The following PRKDC variants were observed in gnomAD, a reference collection of about 807,000 sequenced individuals.
PRKDC encodes protein kinase, DNA-activated, catalytic subunit.
Under a neutral mutation model 486.9 loss-of-function variants are expected in PRKDC, and 82 were observed. That is an observed-to-expected ratio of 0.17 (90% confidence interval 0.14 to 0.20). PRKDC has a LOEUF of 0.20. Among genes scored for constraint, PRKDC ranks in the 10% least tolerant of loss-of-function variants. The pLI is 1.00. For missense variants in PRKDC, 4,504 were observed against 5,038.2 expected (o/e 0.89, Z 3.21); for synonymous variants, 1,895 against 1,837.0 (o/e 1.03, Z -0.81).
intron 69 of PRKDC, among the ~76,000 whole-genome samples, chr8:47,805,729 T>A (rs1161207670): frequency 6.6e-6 from 1 of 152,226 alleles, no homozygotes; most frequent in Non-Finnish European, 1.5e-5. Context: ...AAAGACATTT[T>A]CATCAGACTT....
chr8:47,834,155 G>A, intron 59 of PRKDC, 41 bp downstream of exon 59: 1 of 1,606,874 alleles, frequency 6.2e-7, no homozygotes. Flanking sequence ...CAGTAATTTA[G>A]TGGGGAAGCT....
In PRKDC at chr8:47,864,574, C is replaced by G; in HGVS notation, c.5553G>C (p.Leu1851Phe). Residue 1851 changes from leucine to phenylalanine, a missense_variant, in exon 41 of 86, where the codon TTG becomes TTC. Transcript: ENST00000314191. ...STIVVDAIDV[L>F]KSRFTKLNES... Reference sequence around the variant, plus strand: ...ATGATACCTTTGTAAACCTGGACTTCAACACATCAATGGCATCCACCACAA... The same window carrying G: ...ATGATACCTTTGTAAACCTGGACTTGAACACATCAATGGCATCCACCACAA... 6.2e-7 allele frequency: 1 copy of G among 1,608,836 alleles called. No homozygotes were observed. The highest frequency in any genetic ancestry group is 8.5e-7 in the Non-Finnish European group (1 of 1,178,114).
chr8:47,861,148 C>A (rs562437129), intron 44 of PRKDC, among the ~76,000 whole-genome samples, 177 bp from the exon 45 acceptor site: 1 of 152,132 alleles, frequency 6.6e-6, no homozygotes, highest in East Asian at 1.9e-4. Flanking sequence ...TTAAGGAAAG[C>A]CCTTCCTGCA....
At chr8:47,854,663 T>C (rs917144157) in intron 50 of PRKDC, among the ~76,000 whole-genome samples, 2 of 152,206 alleles carry the variant, frequency 1.3e-5, no homozygotes, top group African/African-American at 4.8e-5. Flanking sequence ...CTAAAGCTAA[T>C]CTTCAGGGTA....
chr8:47,940,793 A>G (rs973846132), intron 10 of PRKDC, among the ~76,000 whole-genome samples: 1 of 152,240 alleles, frequency 6.6e-6, no homozygotes, highest in Non-Finnish European at 1.5e-5. Context: ...GACAGAGGAC[A>G]GATTAAAACA....
intron 61 of PRKDC, among the ~76,000 whole-genome samples, chr8:47,829,354 G>A (rs2087811387): frequency 6.6e-6 from 1 of 152,056 alleles, no homozygotes; most frequent in Admixed American, 6.5e-5. Flanking sequence ...AATCAAGTGT[G>A]ATTTTTGCAT....
chr8:47,836,299 G>A lies in PRKDC; in HGVS notation c.7951+39C>T, dbSNP rs769255413. 3.4e-6 allele frequency: 5 copies of A among 1,469,982 alleles called. No individual in the cohort carries two copies. The Admixed American group carries it at 6.9e-5, about 20-fold the overall frequency. The allele number at this position is 1,469,982 out of a possible 1,614,324, so 91.1% of individuals were successfully genotyped here. On this transcript the variant is annotated intron_variant, in intron 58 of 85. Transcript: ENST00000314191. Reference sequence around the variant, plus strand: ...GACAGAAGCTGCCCACAGAGGTCAGGGTGCTGTATACATGGCCAGCGGGCA... The same window carrying A: ...GACAGAAGCTGCCCACAGAGGTCAGAGTGCTGTATACATGGCCAGCGGGCA...
In PRKDC at chr8:47,794,382, C is replaced by T. The variant is rs751871179; in HGVS notation, c.10578G>A (p.Pro3526=). 5 of 1,613,624 alleles carry T rather than the reference C, an allele frequency of 3.1e-6. No individual in the cohort carries two copies. Among genetic ancestry groups the T allele is most frequent in the East Asian group, 2.2e-5 (1 of 44,892 alleles). The change falls in exon 74 of 86, where the codon CCG becomes CCA. Residue 3526 remains proline (P), a synonymous_variant. Coordinates refer to ENST00000314191, the MANE Select transcript of PRKDC (RefSeq NM_006904.7). The stretch of plus-strand genomic sequence containing the variant: ...TGATGAAGGGATAAACAATAGCCTG[C>T]GGGTAGTTATCAGTGATTTCTTCCA... ...HSVEEITDNY[P]QAIVYPFIIS...
intron 27 of PRKDC, among the ~76,000 whole-genome samples, 193 bp from the exon 28 acceptor site, chr8:47,900,660 G>C (rs13261203): frequency 6.6e-6 from 1 of 152,074 alleles, no homozygotes; most frequent in African/African-American, 2.4e-5. Flanking sequence ...AGGAGATCGA[G>C]ACCACAGTGA....
chr8:47,935,969 T>G, intron 12 of PRKDC, 69 bp from the exon 13 acceptor site: 1 of 1,387,172 alleles, frequency 7.2e-7, no homozygotes, highest in Non-Finnish European at 9.8e-7. Context: ...AATACAAATA[T>G]TCAAAGTAAT....
Position 47,778,677 on chromosome 8 carries a change from G to A in PRKDC, c.11652-17C>T, listed in dbSNP as rs1433755565. 2 of 1,613,338 alleles carry A rather than the reference G, an allele frequency of 1.2e-6. No homozygotes were observed. The highest frequency in any genetic ancestry group is 2.7e-5 in the African/African-American group (2 of 75,054). On this transcript the variant is annotated splice_polypyrimidine_tract_variant and intron_variant, in intron 82 of 85. Coordinates refer to ENST00000314191, the MANE Select transcript of PRKDC (RefSeq NM_006904.7). ...AAGGCCCGCCTACAAAAGAGACACA[G>A]CTGTGCGGCTGCTGTGATCCCACTA...
Position 47,828,194 on chromosome 8 carries a change from A to T in PRKDC, c.8551T>A (p.Phe2851Ile). The change falls in exon 62 of 86, where the codon TTT becomes ATT. Residue 2851 changes from phenylalanine (F) to isoleucine (I), a missense_variant. By Grantham distance (21) the Phe-to-Ile change is conservative. This residue lies in a region of PRKDC where 1,592 missense variants were observed against 1,724.6 expected (regional missense o/e 0.92). Coordinates refer to ENST00000314191, the MANE Select transcript of PRKDC (RefSeq NM_006904.7). ...NRFLNTTFSF[F>I]PPFVSCIQDI... is the part of the protein sequence containing the mutation. ...TGAATACAAGAGACAAAGGGTGGAA[A>T]GAAAGAGAAGGTGGTATTAAGAAAA... 3 of 1,613,822 alleles carry T rather than the reference A, an allele frequency of 1.9e-6. No individual in the cohort carries two copies. The highest frequency in any genetic ancestry group is 2.5e-6 in the Non-Finnish European group (3 of 1,179,784).
chr8:47,782,779 C>T lies in PRKDC; in HGVS notation c.11176-181G>A, dbSNP rs1050411334. ...CCTGCTTGTGCCTGACTGCTGTGCC[C>T]GCAGAAATGTTGTATTCCTGATTAT... is the stretch of plus-strand genomic sequence containing the variant. On this transcript the variant is annotated intron_variant, in intron 78 of 85. Coordinates refer to ENST00000314191, the MANE Select transcript of PRKDC (RefSeq NM_006904.7). This position sits in a 1 kb window ranked among gnomAD's most constrained non-coding sequence, Gnocchi z 4.9. The T allele has an allele frequency of 1.3e-4, 83 of 619,420 alleles. No homozygotes were observed. The highest frequency in any genetic ancestry group is 4.7e-4 in the Admixed American group (16 of 34,058). The allele number at this position is 619,420 out of a possible 1,614,324, so 38.4% of individuals were successfully genotyped here.
intron 84 of PRKDC, 108 bp downstream of exon 84, chr8:47,777,578 T>C (rs1448294753): frequency 8.5e-7 from 1 of 1,171,708 alleles, no homozygotes; most frequent in Non-Finnish European, 1.2e-6. Context: ...ATAATGTAAA[T>C]ATTTTCATCA....
chr8:47,884,549 G>T lies in PRKDC; in HGVS notation c.4776+1395C>A, dbSNP rs557856648. ...TAGGGAAGGAATAGAGGTCAAAGGC[G>T]TATGTTTTTTCTATCATTTCCATCA... On this transcript the variant is annotated intron_variant, in intron 36 of 85. Coordinates refer to ENST00000314191, the MANE Select transcript of PRKDC (RefSeq NM_006904.7). 3.9e-5 allele frequency among the ~76,000 whole-genome samples: 6 copies of T among 152,306 alleles called. No individual in the cohort carries two copies. In the East Asian group the frequency reaches 1.2e-3, roughly 29 times the overall value.
At chr8:47,956,576 T>C (rs980152512) in intron 3 of PRKDC, among the ~76,000 whole-genome samples, 7 of 147,504 alleles carry the variant, frequency 4.7e-5, no homozygotes, top group Non-Finnish European at 1.0e-4. Flanking sequence ...TAGTGGCACA[T>C]CCTGTGGTCC....
Position 47,927,318 on chromosome 8 carries a change from C to T in PRKDC, c.2295G>A (p.Leu765=). ...AFKLGLSYTP[L]AEVGLNALEE... is the part of the protein sequence containing the mutation. ...CTAGAGCATTCAGGCCTACTTCTGC[C>T]AAGGGGGTATAGCTCAGGCCCAGTT... Residue 765 remains leucine, a synonymous_variant, in exon 21 of 86, where the codon TTG becomes TTA. Transcript: ENST00000314191. 1 of 1,613,462 alleles carries T rather than the reference C, an allele frequency of 6.2e-7. No homozygotes were observed. Among genetic ancestry groups the T allele is most frequent in the Non-Finnish European group, 8.5e-7 (1 of 1,179,738 alleles).
rs768412906 is a variant in PRKDC, at chr8:47,798,413, A to C, written c.10298-16T>G. 7 of 1,564,524 alleles carry C rather than the reference A, an allele frequency of 4.5e-6. No individual in the cohort carries two copies. The highest frequency in any genetic ancestry group is 5.2e-6 in the Non-Finnish European group (6 of 1,158,150). On this transcript the variant is annotated splice_polypyrimidine_tract_variant and intron_variant, in intron 72 of 85. Transcript: ENST00000314191. ...GAATCAATAACTATCAAGGACACCAAAGAAGAAAGCAATGGTCAATGTATC... is the reference window on the plus strand; with the variant it reads ...GAATCAATAACTATCAAGGACACCACAGAAGAAAGCAATGGTCAATGTATC...
Position 47,874,640 on chromosome 8 carries a change from T to A in PRKDC, c.5363+3084A>T, listed in dbSNP as rs372095673. ...CAAGTGTGGTGGTGTGTGCCTGTAG[T>A]CTCAGCTACTCAGCAGGCTGAGGCA... On this transcript the variant is annotated intron_variant, in intron 40 of 85. Coordinates refer to ENST00000314191, the MANE Select transcript of PRKDC (RefSeq NM_006904.7). Among the ~76,000 whole-genome samples the A allele has an allele frequency of 1.3e-4, 19 of 151,904 alleles. No homozygotes were observed. In the East Asian group the frequency reaches 1.7e-3, roughly 14 times the overall value.
Sources: gnomAD v4.1 joint callset for allele counts (sites outside exome capture counted in the v4.1 genomes callset) on GRCh38, gnomAD v4.1.1 for gene constraint, gnomAD v4.1.1 regional missense constraint, Gnocchi (gnomAD v3.1) non-coding constraint, MANE v1.5 for transcripts, NCBI Gene and HGNC (gene_info 2026-07-23, HGNC 2026-07-21) for gene names.